Variants in CCDC178 observed in about 807,000 individuals in gnomAD.
CCDC178 encodes the protein coiled-coil domain containing 178, also known as coiled-coil domain-containing protein 178.
A neutral mutation model predicts 117.4 loss-of-function variants in CCDC178; 126 were observed. That is an observed-to-expected ratio of 1.07 (90% CI 0.93 to 1.24). The LOEUF is 1.24. Among genes scored for constraint, CCDC178 ranks in the 50% most tolerant of loss-of-function variants. The pLI is 0.00. For missense variants in CCDC178, 1,030 were observed against 986.9 expected, an observed-to-expected ratio of 1.04 and a Z score of -0.59; for synonymous variants, 283 against 313.4, an observed-to-expected ratio of 0.90 and a Z score of 1.02.
chr18:33,229,289 C>T (rs532625052), intron 15 of CCDC178, among the ~76,000 whole-genome samples: 1 of 152,096 alleles, frequency 6.6e-6, no homozygotes, highest in Admixed American at 6.6e-5. Flanking sequence ...TTTTATTGGT[C>T]ATTAAATGTG....
intron 9 of CCDC178, among the ~76,000 whole-genome samples, chr18:33,339,465 C>T (rs567507875): frequency 1.0e-3 from 157 of 150,462 alleles, no homozygotes; most frequent in Non-Finnish European, 1.8e-3. Flanking sequence ...AACATTTAGG[C>T]CAGCAAACTA....
At chr18:33,157,924 T>A (rs1184411162) in intron 20 of CCDC178, among the ~76,000 whole-genome samples, 1 of 152,160 alleles carries the variant, frequency 6.6e-6, no homozygotes, top group Non-Finnish European at 1.5e-5. Context: ...AGTAAGTAAT[T>A]TGGAACCTCT....
intron 11 of CCDC178, among the ~76,000 whole-genome samples, chr18:33,306,620 TTA>T (rs369059269): frequency 2.5e-3 from 356 of 141,278 alleles, no homozygotes; most frequent in African/African-American, 8.5e-3. Flanking sequence ...ATATATATGG[TTA>T]TATATATATA....
chr18:32,969,543 T>A (rs1040973583), intron 22 of CCDC178, among the ~76,000 whole-genome samples: 2 of 152,060 alleles, frequency 1.3e-5, no homozygotes, highest in Non-Finnish European at 2.9e-5. Flanking sequence ...CAACCCTTAC[T>A]TGCAGTCCTT....
intron 21 of CCDC178, among the ~76,000 whole-genome samples, chr18:32,992,375 A>G (rs1288836925): frequency 6.6e-6 from 1 of 152,202 alleles, no homozygotes; most frequent in African/African-American, 2.4e-5. Flanking sequence ...TAAATTTAAA[A>G]CAAGGAGGAT....
In CCDC178 at chr18:33,287,758, A is replaced by C. The variant is rs538289273; in HGVS notation, c.1176+5401T>G. Among the ~76,000 whole-genome samples, 3 of 152,280 alleles carry C rather than the reference A, an allele frequency of 2.0e-5. No individual in the cohort carries two copies. The East Asian group carries it at 5.8e-4, about 29-fold the overall frequency. The stretch of plus-strand genomic sequence containing the variant: ...CATGCCACTGCATTCCAGCCTGGGC[A>C]ACAGAGAGAGACACCGTCTCAAAAT... On this transcript the variant is annotated intron_variant, in intron 12 of 22. Transcript: ENST00000383096.
chr18:33,410,908 C>T (rs1055682712), intron 3 of CCDC178, among the ~76,000 whole-genome samples: 1 of 152,120 alleles, frequency 6.6e-6, no homozygotes, highest in Non-Finnish European at 1.5e-5. Flanking sequence ...GATCAAGCCC[C>T]TTAATAGTAT....
Position 33,112,892 on chromosome 18 carries a change from C to T in CCDC178, c.2239-19982G>A, listed in dbSNP as rs537177845. 2.6e-5 allele frequency among the ~76,000 whole-genome samples: 4 copies of T among 152,052 alleles called. No individual in the cohort carries two copies. The East Asian group carries it at 7.8e-4, about 30-fold the overall frequency. On this transcript the variant is annotated intron_variant, in intron 20 of 22. Transcript: ENST00000383096. Reference sequence around the variant, plus strand: ...ACAGGAAAATCAAAAGAGATTCATGCTGATTAAAATGCACACCTATAAATA... The same window carrying T: ...ACAGGAAAATCAAAAGAGATTCATGTTGATTAAAATGCACACCTATAAATA...
At chr18:33,247,026 ATG>A (rs1335062652) in intron 14 of CCDC178, among the ~76,000 whole-genome samples, 3 of 151,308 alleles carry the variant, frequency 2.0e-5, no homozygotes, top group African/African-American at 7.3e-5. Context: ...ACAAGAAGAT[ATG>A]TGTGTAGGAG....
At chr18:33,428,332 A>G (rs1199585481) in intron 2 of CCDC178, among the ~76,000 whole-genome samples, 11 of 152,184 alleles carry the variant, frequency 7.2e-5, no homozygotes, top group Non-Finnish European at 1.5e-5. Context: ...CACTTAAAAC[A>G]TACCAGTTAT....
At chr18:33,265,134 C>T (rs1034329661) in intron 14 of CCDC178, among the ~76,000 whole-genome samples, 2 of 152,060 alleles carry the variant, frequency 1.3e-5, no homozygotes, top group Admixed American at 6.6e-5. Context: ...GTTTCACATA[C>T]AAGAAAGTTT....
intron 15 of CCDC178, among the ~76,000 whole-genome samples, chr18:33,230,450 C>T (rs1247445117): frequency 6.6e-6 from 1 of 152,118 alleles, no homozygotes; most frequent in East Asian, 1.9e-4. Flanking sequence ...TAAGCTCCCT[C>T]CTCTATCTCC....
At chr18:33,190,855 T>C (rs2058849412) in intron 20 of CCDC178, among the ~76,000 whole-genome samples, 1 of 152,180 alleles carries the variant, frequency 6.6e-6, no homozygotes, top group Non-Finnish European at 1.5e-5. Flanking sequence ...TTTTAACTTA[T>C]TCTTCGTTAT....
At chr18:33,424,806 G>GT (rs1365970739) in intron 2 of CCDC178, among the ~76,000 whole-genome samples, 5 of 152,170 alleles carry the variant, frequency 3.3e-5, no homozygotes, top group Middle Eastern at 3.2e-3. Flanking sequence ...GAGAGCTAGC[G>GT]TAAGACAGCT....
chr18:33,056,988 C>G (rs1003852163), intron 21 of CCDC178, among the ~76,000 whole-genome samples: 2 of 128,056 alleles, frequency 1.6e-5, no homozygotes, highest in Admixed American at 1.6e-4. Context: ...TTCCAATATT[C>G]TGTAATAAGC....
Position 33,323,489 on chromosome 18 carries a change from A to C in CCDC178, c.1022+2T>G. 6.8e-7 allele frequency: 1 copy of C among 1,472,186 alleles called. No homozygotes were observed. Among genetic ancestry groups the C allele is most frequent in the Non-Finnish European group, 9.0e-7 (1 of 1,112,242 alleles). 91.2% of individuals were successfully genotyped at this position (1,472,186 alleles called of 1,614,324 possible). On this transcript the variant is annotated splice_donor_variant, in intron 11 of 22. Coordinates refer to ENST00000383096, the MANE Select transcript of CCDC178 (RefSeq NM_001105528.4). LOFTEE classifies it high-confidence loss of function. ...TAATTAGTGTTTGCGAAAAATTCTTACTTGTAGGCCTCTATGGTTTTTTCA... is the reference window on the plus strand; with the variant it reads ...TAATTAGTGTTTGCGAAAAATTCTTCCTTGTAGGCCTCTATGGTTTTTTCA...
intron 20 of CCDC178, among the ~76,000 whole-genome samples, chr18:33,161,664 C>A (rs2144383867): frequency 6.6e-6 from 1 of 152,234 alleles, no homozygotes; most frequent in South Asian, 2.1e-4. Context: ...TATCCATTCA[C>A]AATTACCTTC....
intron 12 of CCDC178, among the ~76,000 whole-genome samples, chr18:33,287,108 A>G (rs1248512865): frequency 1.3e-5 from 2 of 152,100 alleles, no homozygotes; most frequent in African/African-American, 4.8e-5. Flanking sequence ...CAAATTAGAG[A>G]AAAGTGTATG....
At chr18:33,007,860 T>G (rs1004209642) in intron 21 of CCDC178, among the ~76,000 whole-genome samples, 17 of 152,220 alleles carry the variant, frequency 1.1e-4, no homozygotes, top group East Asian at 3.9e-4. Flanking sequence ...CTTCCTAATG[T>G]ATGAAAATGG....
Sources: allele counts gnomAD v4.1 joint callset (sites outside exome capture counted in the v4.1 genomes callset), GRCh38; gene constraint gnomAD v4.1.1; transcripts MANE v1.5; gene names NCBI Gene and HGNC (gene_info 2026-07-23, HGNC 2026-07-21).